The following TTC27 variants were observed in gnomAD, a reference collection of about 807,000 sequenced individuals.
TTC27 encodes tetratricopeptide repeat protein 27.
In TTC27, 79 loss-of-function variants were observed where a neutral mutation model predicts 115.9. That is an observed-to-expected ratio of 0.68 (90% confidence interval 0.57 to 0.82). TTC27 has a LOEUF of 0.82. Ranked by LOEUF, TTC27 falls within the 40% of genes least tolerant of loss-of-function variation. TTC27 has a pLI of 0.00. For synonymous variants in TTC27, 401 were observed against 356.0 expected (o/e 1.13, Z -1.42); for missense variants, 1,054 against 993.1 (o/e 1.06, Z -0.82).
chr2:32,701,678 C>G (rs979309155), intron 9 of TTC27, among the ~76,000 whole-genome samples: 1 of 152,072 alleles, frequency 6.6e-6, no homozygotes, highest in African/African-American at 2.4e-5. Context: ...TCTTGCTAAC[C>G]TTTAATGAGA....
At chr2:32,715,905 C>A (rs1049054757) in intron 10 of TTC27, among the ~76,000 whole-genome samples, 1 of 151,320 alleles carries the variant, frequency 6.6e-6, no homozygotes, top group African/African-American at 2.4e-5. Flanking sequence ...CCACACTCTG[C>A]AGGAATTAGA....
chr2:32,739,934 A>G (rs1049595888), intron 12 of TTC27, among the ~76,000 whole-genome samples: 1 of 152,216 alleles, frequency 6.6e-6, no homozygotes, highest in Non-Finnish European at 1.5e-5. Context: ...ATTTGGAGAA[A>G]TGTTTAATTC....
intron 13 of TTC27, among the ~76,000 whole-genome samples, chr2:32,768,245 TA>T (rs1669707106): frequency 6.6e-6 from 1 of 152,350 alleles, no homozygotes; most frequent in African/African-American, 2.4e-5. Context: ...AATGTAGTTT[TA>T]TTTTTCAATA....
intron 8 of TTC27, among the ~76,000 whole-genome samples, chr2:32,675,972 A>T (rs1305629495): frequency 1.3e-5 from 2 of 151,856 alleles, no homozygotes; most frequent in African/African-American, 4.8e-5. Flanking sequence ...TTGTATTTTT[A>T]GTAGAGACAG....
chr2:32,721,363 C>T (rs1246328213), intron 10 of TTC27, among the ~76,000 whole-genome samples: 2 of 152,236 alleles, frequency 1.3e-5, no homozygotes, highest in East Asian at 1.9e-4. Flanking sequence ...AGGGATATCC[C>T]AGTCTCGGAG....
intron 5 of TTC27, among the ~76,000 whole-genome samples, chr2:32,663,950 A>T (rs1572490401): frequency 6.6e-6 from 1 of 150,500 alleles, no homozygotes; most frequent in South Asian, 2.1e-4. Flanking sequence ...CGCAAGGTAC[A>T]GGGATTACAG....
chr2:32,767,997 A>G lies in TTC27; in HGVS notation c.1680+9478A>G, dbSNP rs1470580978. Among the ~76,000 whole-genome samples the G allele has an allele frequency of 2.0e-5, 3 of 152,316 alleles. No homozygotes were observed. In the East Asian group the frequency reaches 5.8e-4, roughly 29 times the overall value. Reference sequence around the variant, plus strand: ...GTAGCAGGTAATCTTAGGAAAAAATAAAAAATACTAAGATCATATTGAAAG... The same window carrying G: ...GTAGCAGGTAATCTTAGGAAAAAATGAAAAATACTAAGATCATATTGAAAG... On this transcript the variant is annotated intron_variant, in intron 13 of 19. Coordinates refer to ENST00000317907, the MANE Select transcript of TTC27 (RefSeq NM_017735.5).
intron 13 of TTC27, among the ~76,000 whole-genome samples, chr2:32,760,637 ATTG>A (rs1163958444): frequency 6.6e-6 from 1 of 152,074 alleles, no homozygotes; most frequent in Non-Finnish European, 1.5e-5. Context: ...CTCACTCAAT[ATTG>A]TTTTTAAAAT....
intron 14 of TTC27, chr2:32,780,234 A>C: frequency 3.2e-6 from 1 of 312,108 alleles, no homozygotes; most frequent in Non-Finnish European, 6.9e-6. Flanking sequence ...TTGAATCTGC[A>C]GGTGAATAAG....
At chr2:32,675,040 G>C (rs932986811) in intron 8 of TTC27, among the ~76,000 whole-genome samples, 1 of 152,184 alleles carries the variant, frequency 6.6e-6, no homozygotes, top group Non-Finnish European at 1.5e-5. Context: ...TTAATAATAT[G>C]AATAGCAACC....
chr2:32,691,211 G>C (rs942553848), intron 9 of TTC27, among the ~76,000 whole-genome samples: 11 of 152,268 alleles, frequency 7.2e-5, no homozygotes, highest in Admixed American at 6.5e-4. Flanking sequence ...TCTGGGGCAT[G>C]AGGGAAATGC....
In TTC27 at chr2:32,758,366, C is replaced by G. The variant is rs765995535; in HGVS notation, c.1527C>G (p.Leu509=). The G allele has an allele frequency of 2.5e-6, 4 of 1,614,074 alleles. No individual in the cohort carries two copies. The highest frequency in any genetic ancestry group is 3.4e-6 in the Non-Finnish European group (4 of 1,180,052). The change falls in exon 13 of 20, where the codon CTC becomes CTG. Residue 509 remains leucine, a synonymous_variant. Coordinates refer to ENST00000317907, the MANE Select transcript of TTC27 (RefSeq NM_017735.5). ...PSLYCLLGDV[L]GDHSCYDKAW... Reference sequence around the variant, plus strand: ...TATACTGCTTGCTTGGAGATGTCCTCGGAGACCATTCTTGCTATGACAAGG... The same window carrying G: ...TATACTGCTTGCTTGGAGATGTCCTGGGAGACCATTCTTGCTATGACAAGG...
chr2:32,670,162 G>A (rs1323673600), intron 7 of TTC27, among the ~76,000 whole-genome samples: 1 of 151,970 alleles, frequency 6.6e-6, no homozygotes, highest in African/African-American at 2.4e-5. Context: ...ACAGGCATGA[G>A]CCACCGCACC....
At chr2:32,629,802 G>A (rs534214227) in intron 1 of TTC27, among the ~76,000 whole-genome samples, 1 of 152,224 alleles carries the variant, frequency 6.6e-6, no homozygotes, top group South Asian at 2.1e-4. Context: ...GAGTTAAAAG[G>A]CACATGCACT....
intron 12 of TTC27, among the ~76,000 whole-genome samples, chr2:32,755,188 G>T (rs565525307): frequency 1.3e-5 from 2 of 152,146 alleles, no homozygotes; most frequent in African/African-American, 4.8e-5. Flanking sequence ...GGTGGCGGCC[G>T]GGCAGAGGCT....
intron 13 of TTC27, among the ~76,000 whole-genome samples, chr2:32,772,130 C>T (rs1572599083): frequency 6.6e-6 from 1 of 152,226 alleles, no homozygotes; most frequent in African/African-American, 2.4e-5. Context: ...GTTATCTATG[C>T]CAGTTGTCTA....
chr2:32,820,198 G>C (rs375454715), intron 19 of TTC27, among the ~76,000 whole-genome samples: 13 of 152,214 alleles, frequency 8.5e-5, no homozygotes, highest in African/African-American at 2.9e-4. Context: ...AAATCCTGAA[G>C]TTGATTTTCT....
chr2:32,755,171 C>G (rs1319826696), intron 12 of TTC27, among the ~76,000 whole-genome samples: 2 of 152,090 alleles, frequency 1.3e-5, no homozygotes, highest in Non-Finnish European at 2.9e-5. Context: ...CCTCACTTCC[C>G]AGACGGGGTG....
At chr2:32,796,818 T>C (rs1670716650) in intron 16 of TTC27, among the ~76,000 whole-genome samples, 2 of 152,080 alleles carry the variant, frequency 1.3e-5, no homozygotes, top group Non-Finnish European at 2.9e-5. Context: ...ACCAATAGAA[T>C]TGAACTAAAA....
Sources: gnomAD v4.1 joint callset for allele counts (sites outside exome capture counted in the v4.1 genomes callset) on GRCh38, gnomAD v4.1.1 for gene constraint, MANE v1.5 for transcripts, NCBI Gene and HGNC (gene_info 2026-07-23, HGNC 2026-07-21) for gene names.